The following COMMD1 variants were observed in gnomAD, a reference collection of about 807,000 sequenced individuals.
COMMD1 encodes COMM domain-containing protein 1.
Under a neutral mutation model 17.2 loss-of-function variants are expected in COMMD1, and 10 were observed. That is an observed-to-expected ratio of 0.58 (90% CI 0.36 to 0.99). The LOEUF (loss-of-function observed/expected upper bound fraction) is 0.99. Ranked by LOEUF, COMMD1 falls within the 50% of genes least tolerant of loss-of-function variation. The pLI is 0.01. For missense variants in COMMD1, 270 were observed against 231.8 expected (o/e 1.17, Z -1.07); for synonymous variants, 97 against 91.6 (o/e 1.06, Z -0.34).
intron 2 of COMMD1, among the ~76,000 whole-genome samples, chr2:62,085,244 G>T (rs1406764295): frequency 1.4e-5 from 2 of 141,340 alleles, no homozygotes; most frequent in Non-Finnish European, 3.0e-5. Flanking sequence ...TTGAGACGGA[G>T]CCTTGCTCTG....
At chr2:62,081,315 G>A (rs1671511783) in intron 2 of COMMD1, among the ~76,000 whole-genome samples, 1 of 150,198 alleles carries the variant, frequency 6.7e-6, no homozygotes, top group Non-Finnish European at 1.5e-5. Flanking sequence ...GCAATGGCGT[G>A]ATCTCGGCTC....
At chr2:61,938,957 G>T (rs191577419) in intron 1 of COMMD1, among the ~76,000 whole-genome samples, 44 of 152,194 alleles carry the variant, frequency 2.9e-4, no homozygotes, top group African/African-American at 1.0e-3. Context: ...GAGGATTATT[G>T]TAGCCAAGAA....
chr2:61,974,069 A>G (rs1235961407), intron 1 of COMMD1, among the ~76,000 whole-genome samples: 1 of 152,044 alleles, frequency 6.6e-6, no homozygotes, highest in Non-Finnish European at 1.5e-5. Context: ...TGAGGTGGGC[A>G]GATCACTTGA....
At chr2:61,990,379 T>C (rs1672215522) in intron 1 of COMMD1, among the ~76,000 whole-genome samples, 1 of 152,152 alleles carries the variant, frequency 6.6e-6, no homozygotes, top group African/African-American at 2.4e-5. Context: ...TAGTTTGACA[T>C]AGAGTTGCAA....
At chr2:62,056,459 G>A (rs1222732691) in intron 2 of COMMD1, among the ~76,000 whole-genome samples, 2 of 152,200 alleles carry the variant, frequency 1.3e-5, no homozygotes, top group Admixed American at 1.3e-4. Flanking sequence ...CACAGAATGG[G>A]TGGCAAAACT....
chr2:62,057,252 G>A (rs1019856390), intron 2 of COMMD1, among the ~76,000 whole-genome samples: 23 of 152,076 alleles, frequency 1.5e-4, no homozygotes, highest in African/African-American at 5.3e-4. Context: ...ACCAGTCCCT[G>A]GTGCCAAAAA....
chr2:61,985,731 A>G (rs571220983), intron 1 of COMMD1, among the ~76,000 whole-genome samples: 36 of 152,324 alleles, frequency 2.4e-4, no homozygotes, highest in African/African-American at 8.4e-4. Context: ...GGTAGCATAC[A>G]TAAACAAACA....
intron 1 of COMMD1, among the ~76,000 whole-genome samples, chr2:61,981,166 T>C (rs570686922): frequency 1.3e-5 from 2 of 152,300 alleles, no homozygotes; most frequent in East Asian, 3.9e-4. Context: ...TGTGATCCCA[T>C]TTGTCCACTT....
chr2:61,998,379 C>A (rs887129760), intron 1 of COMMD1, among the ~76,000 whole-genome samples: 2 of 152,004 alleles, frequency 1.3e-5, no homozygotes, highest in African/African-American at 4.8e-5. Flanking sequence ...CCTGCCTCAG[C>A]CTCCTGAGTA....
intron 2 of COMMD1, among the ~76,000 whole-genome samples, chr2:62,083,517 TTCTC>T (rs1215928755): frequency 6.6e-6 from 1 of 152,226 alleles, no homozygotes; most frequent in African/African-American, 2.4e-5. Flanking sequence ...CAGTAGTCTT[TTCTC>T]TCTGTCTCTC....
chr2:62,111,398 G>A (rs751195265), intron 2 of COMMD1, among the ~76,000 whole-genome samples: 2 of 152,192 alleles, frequency 1.3e-5, no homozygotes, highest in African/African-American at 2.4e-5. Flanking sequence ...GCTTAGGTTT[G>A]ATAAAGAATG....
intron 1 of COMMD1, among the ~76,000 whole-genome samples, chr2:61,978,013 A>T (rs1375879301): frequency 6.6e-6 from 1 of 151,126 alleles, no homozygotes; most frequent in Non-Finnish European, 1.5e-5. Flanking sequence ...GTTGACATTG[A>T]GCCAGGCATG....
intron 2 of COMMD1, among the ~76,000 whole-genome samples, chr2:62,035,152 G>A (rs1670005044): frequency 1.3e-5 from 2 of 152,216 alleles, no homozygotes; most frequent in Non-Finnish European, 1.5e-5. Flanking sequence ...ATAGAGTGGA[G>A]TAGGCATTCA....
At chr2:62,113,649 G>T (rs1672516152) in intron 2 of COMMD1, among the ~76,000 whole-genome samples, 1 of 152,216 alleles carries the variant, frequency 6.6e-6, no homozygotes, top group Admixed American at 6.5e-5. Flanking sequence ...CTCCCAAAGT[G>T]CTGGGATTAC....
At chr2:62,019,396 A>G (rs1669551706) in intron 2 of COMMD1, among the ~76,000 whole-genome samples, 1 of 151,852 alleles carries the variant, frequency 6.6e-6, no homozygotes, top group Admixed American at 6.6e-5. Context: ...GCTGGTCCCA[A>G]ACTCCTGACC....
intron 1 of COMMD1, among the ~76,000 whole-genome samples, chr2:61,941,083 G>A (rs139416079): frequency 0.016 from 2,465 of 150,812 alleles, 67 homozygotes; most frequent in African/African-American, 0.058. Context: ...GCTGGAGTGC[G>A]GTGGCGCGAT....
intron 2 of COMMD1, among the ~76,000 whole-genome samples, chr2:62,083,531 C>T (rs889218067): frequency 1.3e-5 from 2 of 152,244 alleles, no homozygotes; most frequent in Non-Finnish European, 2.9e-5. Flanking sequence ...CTCTGTCTCT[C>T]TCTTTCTCTC....
At chr2:61,963,636 G>A in intron 1 of COMMD1, among the ~76,000 whole-genome samples, 1 of 152,150 alleles carries the variant, frequency 6.6e-6, no homozygotes, top group Middle Eastern at 3.2e-3. Flanking sequence ...GAGCCACCAT[G>A]CCCAGCCTGG....
chr2:61,956,514 A>G (rs1438020850), intron 1 of COMMD1, among the ~76,000 whole-genome samples: 5 of 151,262 alleles, frequency 3.3e-5, no homozygotes, highest in African/African-American at 1.2e-4. Context: ...GGTTCAAGCA[A>G]TTTTCCTGCC....
Sources: allele counts gnomAD v4.1 joint callset (sites outside exome capture counted in the v4.1 genomes callset), GRCh38; gene constraint gnomAD v4.1.1; transcripts MANE v1.5; gene names NCBI Gene and HGNC (gene_info 2026-07-23, HGNC 2026-07-21).